The following PIP5K1C variants were observed in gnomAD, a reference collection of about 807,000 sequenced individuals.
PIP5K1C encodes phosphatidylinositol-4-phosphate 5-kinase type 1 gamma, also known as phosphatidylinositol 4-phosphate 5-kinase type-1 gamma.
Under a neutral mutation model 80.1 loss-of-function variants are expected in PIP5K1C, and 45 were observed. The ratio of observed to expected loss-of-function variants is 0.56; its 90% CI spans 0.44 to 0.72. The LOEUF is 0.72. Among genes scored for constraint, PIP5K1C ranks in the 30% least tolerant of loss-of-function variants. PIP5K1C has a pLI of 0.00. For synonymous variants in PIP5K1C, 498 were observed against 420.1 expected (o/e 1.19, Z -2.27); for missense variants, 753 against 954.6 (o/e 0.79, Z 2.78).
In PIP5K1C at chr19:3,695,636, G is replaced by A. The variant is rs546167939; in HGVS notation, c.94+4661C>T. 2.1e-4 allele frequency among the ~76,000 whole-genome samples: 32 copies of A among 152,280 alleles called. 1 individual carries two copies. The highest frequency in any genetic ancestry group is 1.9e-3 in the South Asian group (9 of 4,826). On this transcript the variant is annotated intron_variant, in intron 1 of 17. Coordinates refer to ENST00000335312, the MANE Select transcript of PIP5K1C (RefSeq NM_012398.3). The stretch of plus-strand genomic sequence containing the variant: ...CTGCATCCCGGGAGGCGGCCAGGGC[G>A]GGAGAGAATGGGGAACTTTCCGTCC...
At position 3,688,861 on chromosome 19, in the gene PIP5K1C, C is replaced by A. The variant is rs1006932116; in HGVS notation, c.94+11436G>T. On this transcript the variant is annotated intron_variant, in intron 1 of 17. Coordinates refer to ENST00000335312, the MANE Select transcript of PIP5K1C (RefSeq NM_012398.3). This position sits in a 1 kb window ranked among gnomAD's most constrained non-coding sequence, Gnocchi z 5.3. ...ACCCCGTTTTTGAGCCCCCACACAG[C>A]CGAATACATGCCCCCGGTCCCCCTT... 6.6e-6 allele frequency among the ~76,000 whole-genome samples: 1 copy of A among 152,122 alleles called. No individual in the cohort carries two copies. The highest frequency in any genetic ancestry group is 2.4e-5 in the African/African-American group (1 of 41,416).
chr19:3,647,767 T>C (rs150635233), intron 9 of PIP5K1C, among the ~76,000 whole-genome samples: 3,004 of 152,206 alleles, frequency 0.02, 49 homozygotes, highest in Non-Finnish European at 0.029. Flanking sequence ...GCCAACATGG[T>C]GAAACCCCAT....
At chr19:3,684,217 G>A (rs550849766) in intron 1 of PIP5K1C, among the ~76,000 whole-genome samples, 44 of 152,106 alleles carry the variant, frequency 2.9e-4, no homozygotes, top group East Asian at 1.9e-3. Context: ...CACCAGTCAC[G>A]CATGAGCATT....
intron 2 of PIP5K1C, among the ~76,000 whole-genome samples, chr19:3,665,576 T>A (rs2034979734): frequency 6.6e-6 from 1 of 151,062 alleles, no homozygotes; most frequent in South Asian, 2.1e-4. Context: ...GTGGTGGGAG[T>A]CGTAACTCCT....
At position 3,648,393 on chromosome 19, in the gene PIP5K1C, T is replaced by C. The variant is rs562569271; in HGVS notation, c.1211+232A>G. ...AGAAGGGGCAGCCAAGCAAGAGCTT[T>C]CCAGGTTGAGGAAGCCCCGAGAGCT... On this transcript the variant is annotated intron_variant, in intron 9 of 17. Coordinates refer to ENST00000335312, the MANE Select transcript of PIP5K1C (RefSeq NM_012398.3). This position sits in a 1 kb window ranked among gnomAD's most constrained non-coding sequence, Gnocchi z 4.3. Among the ~76,000 whole-genome samples the C allele has an allele frequency of 6.6e-6, 1 of 152,334 alleles. No individual in the cohort carries two copies. Among genetic ancestry groups the C allele is most frequent in the South Asian group, 2.1e-4 (1 of 4,826 alleles).
rs542277629 is a variant in PIP5K1C, at chr19:3,639,002, G to A, written c.1802C>T (p.Pro601Leu). The A allele has an allele frequency of 4.5e-5, 72 of 1,611,194 alleles. No individual in the cohort carries two copies. The highest frequency in any genetic ancestry group is 3.0e-4 in the South Asian group (27 of 91,078). Residue 601 changes from proline (P) to leucine (L), a missense_variant, in exon 16 of 18, where the codon CCG becomes CTG. Transcript: ENST00000335312. The part of the protein sequence containing the change: ...KEEDAGVEAS[P>L]AGASAAVEVE... The stretch of plus-strand genomic sequence containing the variant: ...TTCAACAGCAGCAGAGGCACCGGCC[G>A]GGGAAGCCTCCACCCTGGGGACAGG...
Position 3,644,117 on chromosome 19 carries a change from C to T in PIP5K1C, c.1480G>A (p.Ala494Thr), listed in dbSNP as rs766658886. ...REEAQYDLRG[A>T]RSYPTLEDEG... ...TCCTCCAGCGTGGGGTAGCTGCGGG[C>T]CCCCCGCAGGTCGTACTGGGCCTCC... The change falls in exon 12 of 18, where the codon GCC becomes ACC. Residue 494 changes from alanine to threonine, a missense_variant. By Grantham distance (58) the Ala-to-Thr change is moderately conservative (BLOSUM62 0). Coordinates refer to ENST00000335312, the MANE Select transcript of PIP5K1C (RefSeq NM_012398.3). The T allele has an allele frequency of 3.1e-6, 5 of 1,611,118 alleles. No individual in the cohort carries two copies. Among genetic ancestry groups the T allele is most frequent in the Non-Finnish European group, 2.5e-6 (3 of 1,179,804 alleles).
intron 14 of PIP5K1C, among the ~76,000 whole-genome samples, chr19:3,642,457 G>A (rs1256565371): frequency 6.6e-6 from 1 of 152,220 alleles, no homozygotes; most frequent in African/African-American, 2.4e-5. Flanking sequence ...CAACAGCAAG[G>A]TGTGGGCGGC....
intron 1 of PIP5K1C, among the ~76,000 whole-genome samples, chr19:3,697,311 C>T (rs1207307299): frequency 3.5e-5 from 5 of 143,940 alleles, no homozygotes; most frequent in African/African-American, 1.3e-4. Context: ...TGGAGGAGGA[C>T]TGGGCCGGAC....
intron 10 of PIP5K1C, 137 bp from the exon 11 acceptor site, chr19:3,646,195 T>G: frequency 3.0e-4 from 184 of 613,858 alleles, no homozygotes; most frequent in Middle Eastern, 3.7e-4. Context: ...CATGGCGCCA[T>G]GGCTTCCTGG....
rs1467327116 is a variant in PIP5K1C, at chr19:3,634,935, C to T, written c.1921-1415G>A. On this transcript the variant is annotated intron_variant, in intron 16 of 17. Coordinates refer to ENST00000335312, the MANE Select transcript of PIP5K1C (RefSeq NM_012398.3). ...GCCAGGACCCCAGCGCAGGCCTTGC[C>T]TGTTCCTCCAGGGTAGCAAATGCAG... 3.3e-5 allele frequency among the ~76,000 whole-genome samples: 5 copies of T among 152,256 alleles called. 1 individual carries two copies. Among genetic ancestry groups the T allele is most frequent in the African/African-American group, 1.2e-4 (5 of 41,482 alleles).
intron 17 of PIP5K1C, 133 bp from the exon 18 acceptor site, chr19:3,633,302 C>T (rs2033526333): frequency 1.0e-5 from 7 of 684,856 alleles, no homozygotes; most frequent in Admixed American, 1.0e-4. Flanking sequence ...AGCCAGAGAG[C>T]CCAGGGTGGA....
At position 3,655,234 on chromosome 19, in the gene PIP5K1C, C is replaced by T. The variant is rs138421751; in HGVS notation, c.621+1171G>A. Among the ~76,000 whole-genome samples the T allele has an allele frequency of 1.4e-3, 209 of 151,302 alleles. 1 individual carries two copies. Among genetic ancestry groups the T allele is most frequent in the African/African-American group, 4.8e-3 (196 of 41,202 alleles). ...GAAATCGAGACCATCCTGGCTAACA[C>T]GGTGAAACCATGTCTCTACTAAAAA... On this transcript the variant is annotated intron_variant, in intron 6 of 17. Transcript: ENST00000335312.
chr19:3,672,019 G>T (rs2035222362), intron 1 of PIP5K1C, among the ~76,000 whole-genome samples: 2 of 152,330 alleles, frequency 1.3e-5, no homozygotes, highest in Non-Finnish European at 2.9e-5. Context: ...CGAGGCGGGG[G>T]CTCTGCCGCT....
intron 1 of PIP5K1C, among the ~76,000 whole-genome samples, chr19:3,675,181 T>C (rs1462616281): frequency 6.6e-6 from 1 of 152,238 alleles, no homozygotes; most frequent in Admixed American, 6.5e-5. Flanking sequence ...TGAACAACTC[T>C]GTGAATACGC....
intron 1 of PIP5K1C, among the ~76,000 whole-genome samples, chr19:3,689,874 C>T (rs1235461462): frequency 6.6e-6 from 1 of 152,102 alleles, no homozygotes; most frequent in African/African-American, 2.4e-5. Context: ...AAAGACATGG[C>T]AAAACGTTAG....
intron 3 of PIP5K1C, 105 bp downstream of exon 3, chr19:3,664,717 C>G (rs914426308): frequency 4.0e-6 from 4 of 988,992 alleles, no homozygotes; most frequent in African/African-American, 3.2e-5. Flanking sequence ...TGGGCAGACC[C>G]TGGTTTGTGT....
At chr19:3,643,188 C>T (rs1422327864) in intron 13 of PIP5K1C, 55 bp downstream of exon 13, 3 of 1,606,942 alleles carry the variant, frequency 1.9e-6, no homozygotes, top group African/African-American at 2.7e-5. Flanking sequence ...GTGAATGCCC[C>T]GCCCCCACGC....
At chr19:3,665,720 T>G (rs1209899527) in intron 2 of PIP5K1C, among the ~76,000 whole-genome samples, 1 of 151,968 alleles carries the variant, frequency 6.6e-6, no homozygotes, top group Non-Finnish European at 1.5e-5. Flanking sequence ...AGCGCGGGTG[T>G]CCCAGCAGAT....
Sources: gnomAD v4.1 joint callset for allele counts (sites outside exome capture counted in the v4.1 genomes callset) on GRCh38, gnomAD v4.1.1 for gene constraint, Gnocchi (gnomAD v3.1) non-coding constraint, MANE v1.5 for transcripts, NCBI Gene and HGNC (gene_info 2026-07-23, HGNC 2026-07-21) for gene names.